Variants in AK4 observed in about 807,000 individuals in gnomAD.
AK4 encodes the protein adenylate kinase 4, mitochondrial.
A neutral mutation model predicts 24.6 loss-of-function variants in AK4; 13 were observed. The ratio of observed to expected loss-of-function variants is 0.53; its 90% CI spans 0.34 to 0.84. The LOEUF (loss-of-function observed/expected upper bound fraction) is 0.84. Among genes scored for constraint, AK4 ranks in the 40% least tolerant of loss-of-function variants. The pLI, the probability that AK4 is intolerant of heterozygous loss-of-function variation, is 0.01. For synonymous variants in AK4, 88 were observed against 107.0 expected, an observed-to-expected ratio of 0.82 and a Z score of 1.10; for missense variants, 192 against 288.2, an observed-to-expected ratio of 0.67 and a Z score of 2.42.
At chr1:65,189,385 T>A (rs969106528) in intron 1 of AK4, among the ~76,000 whole-genome samples, 8 of 151,512 alleles carry the variant, frequency 5.3e-5, no homozygotes, top group African/African-American at 1.9e-4. Flanking sequence ...TTCAAGTGAT[T>A]CTCATGCCTC....
At chr1:65,175,222 T>C (rs1650671603) in intron 1 of AK4, among the ~76,000 whole-genome samples, 1 of 152,214 alleles carries the variant, frequency 6.6e-6, no homozygotes, top group Admixed American at 6.5e-5. Context: ...CCTTGCTGAT[T>C]GCTGAGGAGG....
chr1:65,189,707 A>G (rs1305901042), intron 1 of AK4, among the ~76,000 whole-genome samples: 1 of 151,922 alleles, frequency 6.6e-6, no homozygotes, highest in Non-Finnish European at 1.5e-5. Context: ...AGAAATGTAC[A>G]GATTTAAACT....
intron 1 of AK4, among the ~76,000 whole-genome samples, chr1:65,161,298 C>T (rs1329930355): frequency 6.6e-6 from 1 of 152,090 alleles, no homozygotes; most frequent in Non-Finnish European, 1.5e-5. Flanking sequence ...CATGTCCCAG[C>T]ATTAGGTATG....
At position 65,220,561 on chromosome 1, in the gene AK4, C is replaced by T. The variant is rs548700218; in HGVS notation, c.438+1635C>T. On this transcript the variant is annotated intron_variant, in intron 3 of 4. Transcript: ENST00000327299. ...CGTGATCTCAGCTCACTGCAACGTC[C>T]GCCTCCTGGGTTCAAGTGATTTTTC... Among the ~76,000 whole-genome samples, 8 of 152,230 alleles carry T rather than the reference C, an allele frequency of 5.3e-5. No individual in the cohort carries two copies. The East Asian group carries it at 9.7e-4, about 18-fold the overall frequency.
At chr1:65,191,934 A>G (rs1651321132) in intron 2 of AK4, among the ~76,000 whole-genome samples, 1 of 152,168 alleles carries the variant, frequency 6.6e-6, no homozygotes, top group African/African-American at 2.4e-5. Context: ...AAGAGAGTGG[A>G]TTGAGGAAAA....
chr1:65,190,905 C>A, intron 2 of AK4, 76 bp downstream of exon 2: 1 of 1,479,936 alleles, frequency 6.8e-7, no homozygotes, highest in East Asian at 2.4e-5. Context: ...TAACTTCTTA[C>A]CGAATGGAAA....
At chr1:65,182,353 G>C (rs1292005062) in intron 1 of AK4, among the ~76,000 whole-genome samples, 1 of 152,100 alleles carries the variant, frequency 6.6e-6, no homozygotes, top group Non-Finnish European at 1.5e-5. Flanking sequence ...AGTGGCTTTG[G>C]AATCGAGGTG....
At chr1:65,205,905 T>C (rs1436198390) in intron 2 of AK4, among the ~76,000 whole-genome samples, 1 of 152,208 alleles carries the variant, frequency 6.6e-6, no homozygotes, top group Admixed American at 6.5e-5. Flanking sequence ...ATTCCATAAC[T>C]GTTTGATTAT....
intron 1 of AK4, among the ~76,000 whole-genome samples, chr1:65,182,714 A>G (rs1650952217): frequency 6.6e-6 from 1 of 152,194 alleles, no homozygotes. Flanking sequence ...AAACTAAGGT[A>G]ACCTGGTTGG....
In AK4 at chr1:65,218,734, G is replaced by A. The variant is rs756236848; in HGVS notation, c.266-20G>A. On this transcript the variant is annotated intron_variant, in intron 2 of 4. Transcript: ENST00000327299. ...CTGGGCAATAGCTTGCATTTCACTT[G>A]TTTTGTTCTTTGCATTTAGGTTTTC... The A allele has an allele frequency of 2.8e-5, 43 of 1,559,622 alleles. No homozygotes were observed. The highest frequency in any genetic ancestry group is 3.1e-5 in the Non-Finnish European group (36 of 1,154,314).
intron 2 of AK4, among the ~76,000 whole-genome samples, chr1:65,209,070 A>T (rs1202814689): frequency 1.3e-5 from 2 of 152,360 alleles, no homozygotes; most frequent in East Asian, 3.9e-4. Context: ...GAAATTTAAA[A>T]ATATAAAATT....
Position 65,181,888 on chromosome 1 carries a change from A to G in AK4, c.146-8822A>G, listed in dbSNP as rs536471012. Among the ~76,000 whole-genome samples the G allele has an allele frequency of 2.0e-5, 3 of 152,158 alleles. No individual in the cohort carries two copies. In the South Asian group the frequency reaches 6.2e-4, roughly 32 times the overall value. On this transcript the variant is annotated intron_variant, in intron 1 of 4. Transcript: ENST00000327299. ...TCTGACACTTAGGGAAATGTGCCAC[A>G]GCCTGGCACAGAGTAGTTGCTCAGT...
chr1:65,148,496 GTCTCCAGCATC>G lies in AK4; in HGVS notation c.98_108del (p.His33ArgfsTer16), dbSNP rs1217592287. On this transcript the variant is annotated frameshift_variant, in exon 1 of 5. Transcript: ENST00000327299. LOFTEE classifies it high-confidence loss of function. ...TGCCAGAGGATCGCCCAGAACTTTG[GTCTCCAGCATC>G]TCTCCAGCGGCCACTTCTTGCGGGA... 6.3e-7 allele frequency: 1 copy of G among 1,588,220 alleles called. No individual in the cohort carries two copies. Among genetic ancestry groups the G allele is most frequent in the African/African-American group, 1.3e-5 (1 of 74,248 alleles).
intron 2 of AK4, among the ~76,000 whole-genome samples, chr1:65,202,053 G>T (rs1651677456): frequency 6.6e-6 from 1 of 152,160 alleles, no homozygotes. Context: ...AAAACTTTGA[G>T]TTTAAAAGTG....
At chr1:65,152,366 A>ATCTCTC (rs1557434448) in intron 1 of AK4, among the ~76,000 whole-genome samples, 45 of 49,382 alleles carry the variant, frequency 9.1e-4, no homozygotes, top group African/African-American at 2.8e-3. Context: ...CTCTCTATAT[A>ATCTCTC]TATATATATA....
At position 65,152,360 on chromosome 1, in the gene AK4, C is replaced by CTA. The variant is rs1649812696; in HGVS notation, c.145+3832_145+3833dup. On this transcript the variant is annotated intron_variant, in intron 1 of 4. Transcript: ENST00000327299. ...TCTCTCTCTCTCTCTCTCTCTCTCTCTATATATATATATATATATATATAT... is the reference window on the plus strand; with the variant it reads ...TCTCTCTCTCTCTCTCTCTCTCTCTCTATATATATATATATATATATATATAT... Among the ~76,000 whole-genome samples the CTA allele has an allele frequency of 7.2e-3, 200 of 27,946 alleles. 4 individuals carry two copies. The Middle Eastern group carries it at 0.079, about 11-fold the overall frequency. The allele number at this position is 27,946 out of a possible 152,430, so 18.3% of individuals were successfully genotyped here. A position where few individuals can be genotyped will look rare whatever the true frequency, so the allele number is the denominator to read the frequency against.
intron 1 of AK4, among the ~76,000 whole-genome samples, chr1:65,154,177 G>A (rs1237833524): frequency 6.6e-6 from 1 of 152,158 alleles, no homozygotes; most frequent in African/African-American, 2.4e-5. Flanking sequence ...TGAACTTGTT[G>A]GTGGCAAAGG....
chr1:65,189,339 C>G (rs1369710253), intron 1 of AK4, among the ~76,000 whole-genome samples: 2 of 144,694 alleles, frequency 1.4e-5, no homozygotes, highest in Non-Finnish European at 3.0e-5. Flanking sequence ...AGTGCAATGG[C>G]TCAATCTCGG....
chr1:65,150,382 A>G (rs926879487), intron 1 of AK4, among the ~76,000 whole-genome samples: 1 of 151,598 alleles, frequency 6.6e-6, no homozygotes, highest in Non-Finnish European at 1.5e-5. Flanking sequence ...GGAGTGAGAA[A>G]TGACTATGAA....
Sources: gnomAD v4.1 joint callset for allele counts (sites outside exome capture counted in the v4.1 genomes callset) on GRCh38, gnomAD v4.1.1 for gene constraint, MANE v1.5 for transcripts, NCBI Gene and HGNC (gene_info 2026-07-23, HGNC 2026-07-21) for gene names.